Variants in SLC25A20 observed in about 807,000 individuals in gnomAD.
SLC25A20 encodes solute carrier family 25 member 20.
SLC25A20 carries 29 observed loss-of-function variants against 39.7 expected under a neutral mutation model. The ratio of observed to expected loss-of-function variants is 0.73; its 90% CI spans 0.54 to 1.00. The LOEUF (loss-of-function observed/expected upper bound fraction) is 1.00, where lower values mean the gene tolerates loss of function less well. Among genes scored for constraint, SLC25A20 ranks in the 50% least tolerant of loss-of-function variants. The pLI is 0.00. For synonymous variants in SLC25A20, 103 were observed against 142.2 expected (o/e 0.72, Z 1.96); for missense variants, 333 against 379.9 (o/e 0.88, Z 1.03).
At chr3:48,884,540 G>A (rs1339245696) in intron 2 of SLC25A20, among the ~76,000 whole-genome samples, 1 of 151,932 alleles carries the variant, frequency 6.6e-6, no homozygotes, top group Non-Finnish European at 1.5e-5. Context: ...TGTAGAGACA[G>A]GGTTTTGCCA....
intron 1 of SLC25A20, among the ~76,000 whole-genome samples, chr3:48,897,613 A>G (rs2083919726): frequency 6.6e-6 from 1 of 152,042 alleles, no homozygotes; most frequent in Non-Finnish European, 1.5e-5. Context: ...TTCCTATAGA[A>G]TGACCCCAGT....
intron 4 of SLC25A20, among the ~76,000 whole-genome samples, chr3:48,875,399 C>A (rs142217168): frequency 6.6e-6 from 1 of 151,718 alleles, no homozygotes; most frequent in African/African-American, 2.4e-5. Flanking sequence ...CGCACCCAGC[C>A]TATTTATTTA....
At chr3:48,889,879 T>C (rs540892395) in intron 2 of SLC25A20, among the ~76,000 whole-genome samples, 2 of 152,226 alleles carry the variant, frequency 1.3e-5, no homozygotes, top group South Asian at 4.2e-4. Context: ...AGGTATAGGG[T>C]CCGGTGCTGA....
At chr3:48,876,906 A>G (rs2106650978) in intron 4 of SLC25A20, among the ~76,000 whole-genome samples, 1 of 151,142 alleles carries the variant, frequency 6.6e-6, no homozygotes, top group Non-Finnish European at 1.5e-5. Context: ...GACCACCCTG[A>G]TCAACATGGC....
At chr3:48,874,799 CATTTTGGGAGG>C (rs2083741975) in intron 4 of SLC25A20, among the ~76,000 whole-genome samples, 1 of 151,940 alleles carries the variant, frequency 6.6e-6, no homozygotes, top group African/African-American at 2.4e-5. Flanking sequence ...GTAATCTCAG[CATTTTGGGAGG>C]CAGAGGCAGG....
intron 4 of SLC25A20, among the ~76,000 whole-genome samples, chr3:48,867,783 G>A (rs535319575): frequency 8.0e-4 from 122 of 151,848 alleles, no homozygotes; most frequent in Admixed American, 1.4e-3. Flanking sequence ...CAGGGTGGCC[G>A]GGCATGGTGG....
At chr3:48,865,147 G>C (rs200992053) in intron 4 of SLC25A20, among the ~76,000 whole-genome samples, 1 of 119,066 alleles carries the variant, frequency 8.4e-6, no homozygotes, top group Non-Finnish European at 1.8e-5. Context: ...TTTTTTTTTT[G>C]AGACGGAGTC....
rs1242636172 is a variant in SLC25A20, at chr3:48,879,291, C to G, written c.417+67G>C. On this transcript the variant is annotated intron_variant, in intron 4 of 8. Transcript: ENST00000319017. ...GAAGCCTTTATTAAGGGTGAAAGGA[C>G]ATAAACATGCACACGAAATTATAAA... The G allele has an allele frequency of 2.5e-6, 3 of 1,184,600 alleles. No individual in the cohort carries two copies. The African/African-American group carries it at 4.5e-5, about 18-fold the overall frequency. The allele number at this position is 1,184,600 out of a possible 1,614,324, so 73.4% of individuals were successfully genotyped here.
intron 4 of SLC25A20, among the ~76,000 whole-genome samples, chr3:48,866,816 G>A (rs987029081): frequency 2.6e-5 from 4 of 151,598 alleles, no homozygotes; most frequent in African/African-American, 4.8e-5. Flanking sequence ...TTTTTGAGAC[G>A]GAGTTGTAAT....
chr3:48,892,872 T>C (rs1386980073), intron 1 of SLC25A20, among the ~76,000 whole-genome samples: 2 of 152,190 alleles, frequency 1.3e-5, no homozygotes, highest in African/African-American at 4.8e-5. Context: ...ATTTATCCAC[T>C]GGCATAATTT....
In SLC25A20 at chr3:48,857,279, A is replaced by G. The variant is rs921026918; in HGVS notation, c.*431T>C. 3 of 239,232 alleles carry G rather than the reference A, an allele frequency of 1.3e-5. No individual in the cohort carries two copies. The highest frequency in any genetic ancestry group is 6.8e-5 in the African/African-American group (3 of 44,270). The allele number at this position is 239,232 out of a possible 1,614,324, so 14.8% of individuals were successfully genotyped here. On this transcript the variant is annotated 3_prime_UTR_variant, in exon 9 of 9. Coordinates refer to ENST00000319017, the MANE Select transcript of SLC25A20 (RefSeq NM_000387.6). ...ATGGCACCCTGGAAATCAAATGGGTATTCCTGGCTAGGGACTGAAGAAGAT... is the reference window on the plus strand; with the variant it reads ...ATGGCACCCTGGAAATCAAATGGGTGTTCCTGGCTAGGGACTGAAGAAGAT...
intron 3 of SLC25A20, 125 bp downstream of exon 3, chr3:48,883,872 C>T (rs2083812008): frequency 1.9e-5 from 22 of 1,166,274 alleles, no homozygotes; most frequent in Non-Finnish European, 2.3e-5. Context: ...GATCCACCCG[C>T]CTCAGTCTCC....
intron 3 of SLC25A20, among the ~76,000 whole-genome samples, chr3:48,883,183 A>G (rs2106657448): frequency 6.6e-6 from 1 of 152,050 alleles, no homozygotes; most frequent in African/African-American, 2.4e-5. Flanking sequence ...CGACAGAGCA[A>G]GACTCAGTCT....
At position 48,874,178 on chromosome 3, in the gene SLC25A20, G is replaced by C. The variant is rs1405572213; in HGVS notation, c.417+5180C>G. ...ATGATGGCGCATGCCTGTAATCCCA[G>C]CTACCTGGGAGGCTGAGGCAGGAGA... On this transcript the variant is annotated intron_variant, in intron 4 of 8. Coordinates refer to ENST00000319017, the MANE Select transcript of SLC25A20 (RefSeq NM_000387.6). 2.6e-5 allele frequency among the ~76,000 whole-genome samples: 4 copies of C among 152,036 alleles called. No homozygotes were observed. In the East Asian group the frequency reaches 7.7e-4, roughly 29 times the overall value.
At chr3:48,897,957 T>C (rs1475336844) in intron 1 of SLC25A20, among the ~76,000 whole-genome samples, 1 of 152,142 alleles carries the variant, frequency 6.6e-6, no homozygotes. Context: ...GGGGAATAGT[T>C]GAGATATGAT....
chr3:48,857,621 C>A lies in SLC25A20; in HGVS notation c.*89G>T, dbSNP rs1031393264. 6 of 1,220,398 alleles carry A rather than the reference C, an allele frequency of 4.9e-6. No homozygotes were observed. In the African/African-American group the frequency reaches 8.9e-5, roughly 18 times the overall value. The allele number at this position is 1,220,398 out of a possible 1,614,324, so 75.6% of individuals were successfully genotyped here. A position where few individuals can be genotyped will look rare whatever the true frequency, so the allele number is the denominator to read the frequency against. ...GGATCTCACCATTCCCCTCCCCTTG[C>A]CCTCCAAGACTGCTTAGTTCTGCTT... On this transcript the variant is annotated 3_prime_UTR_variant, in exon 9 of 9. Transcript: ENST00000319017.
At chr3:48,866,373 GCAAAACCC>G (rs1411594219) in intron 4 of SLC25A20, among the ~76,000 whole-genome samples, 1 of 151,650 alleles carries the variant, frequency 6.6e-6, no homozygotes, top group African/African-American at 2.4e-5. Flanking sequence ...GGCCAACAAG[GCAAAACCC>G]CATCTCTACT....
intron 2 of SLC25A20, among the ~76,000 whole-genome samples, chr3:48,890,257 G>A (rs1364048667): frequency 2.6e-5 from 4 of 152,110 alleles, no homozygotes; most frequent in East Asian, 1.9e-4. Flanking sequence ...CAGGATCTCG[G>A]CTCACTGCAA....
chr3:48,873,893 C>T (rs1334565617), intron 4 of SLC25A20, among the ~76,000 whole-genome samples: 1 of 149,042 alleles, frequency 6.7e-6, no homozygotes, highest in African/African-American at 2.5e-5. Context: ...GGCGTGAACC[C>T]GGGAGGCGGA....
Sources: gnomAD v4.1 joint callset for allele counts (sites outside exome capture counted in the v4.1 genomes callset) on GRCh38, gnomAD v4.1.1 for gene constraint, MANE v1.5 for transcripts, NCBI Gene and HGNC (gene_info 2026-07-23, HGNC 2026-07-21) for gene names.